Variants in FGFR2 observed in about 807,000 individuals in gnomAD.
FGFR2 encodes the protein BEK fibroblast growth factor receptor.
FGFR2 carries 19 observed loss-of-function variants against 95.9 expected under a neutral mutation model. The ratio of observed to expected loss-of-function variants is 0.20; its 90% CI spans 0.14 to 0.29. The LOEUF (loss-of-function observed/expected upper bound fraction) is 0.29, where lower values mean the gene tolerates loss of function less well. Ranked by LOEUF, FGFR2 falls within the 10% of genes least tolerant of loss-of-function variation. The probability of loss-of-function intolerance (pLI) is 1.00; values close to 1 mark genes in which losing one functional copy is unlikely to be tolerated. For synonymous variants in FGFR2, 392 were observed against 393.3 expected (o/e 1.00, Z 0.04); for missense variants, 707 against 1,056.9 (o/e 0.67, Z 4.59).
At chr10:121,582,165 C>A (rs1861036943) in intron 2 of FGFR2, among the ~76,000 whole-genome samples, 1 of 152,038 alleles carries the variant, frequency 6.6e-6, no homozygotes, top group South Asian at 2.1e-4. Context: ...CTCCTCACCT[C>A]ATGATCCGCC....
intron 5 of FGFR2, among the ~76,000 whole-genome samples, chr10:121,550,779 C>A (rs894171585): frequency 6.6e-6 from 1 of 152,094 alleles, no homozygotes; most frequent in Non-Finnish European, 1.5e-5. Context: ...ACAACACAAA[C>A]GGGAATTGTA....
chr10:121,530,495 C>T (rs1177674687), intron 6 of FGFR2: 3 of 152,514 alleles, frequency 2.0e-5, no homozygotes, highest in African/African-American at 4.8e-5. Context: ...TGATGATGTC[C>T]GCCTATAATC....
At chr10:121,549,625 G>GCT (rs146483238) in intron 5 of FGFR2, among the ~76,000 whole-genome samples, 2,250 of 151,414 alleles carry the variant, frequency 0.015, 57 homozygotes, top group African/African-American at 0.051. Context: ...CTGCGATCCT[G>GCT]CTCTCTCTCT....
rs41302261 is a variant in FGFR2 at position 121,576,143 on chromosome 10, C to T, written c.110-10439G>A. Among the ~76,000 whole-genome samples, 462 of 152,190 alleles carry T rather than the reference C, an allele frequency of 3.0e-3. 2 individuals are homozygous for T. The highest frequency in any genetic ancestry group is 0.011 in the African/African-American group (444 of 41,502). ...TGGAGGTTGCCGTGAGCCGAGATCA[C>T]GCCACTGCCCTCCAACCTGGGCAAC... On this transcript the variant is annotated intron_variant, in intron 2 of 17. Transcript: ENST00000358487.
In FGFR2 at chr10:121,518,599, G is replaced by T. The variant is rs2134277866; in HGVS notation, c.940-1136C>A. On this transcript the variant is annotated intron_variant, in intron 7 of 17. Coordinates refer to ENST00000358487, the MANE Select transcript of FGFR2 (RefSeq NM_000141.5). The surrounding 1 kb of genome is among the most constrained non-coding windows in gnomAD (Gnocchi z 4.0). ...ACAAGAGTTATCCTATAAGCTGCCT[G>T]CAGTCTCCCAAAGCACCAAGTCTTT... 6.6e-7 allele frequency: 1 copy of T among 1,508,994 alleles called. No homozygotes were observed. The highest frequency in any genetic ancestry group is 9.2e-7 in the Non-Finnish European group (1 of 1,091,576). 93.5% of individuals were successfully genotyped at this position (1,508,994 alleles called of 1,614,324 possible).
intron 9 of FGFR2, among the ~76,000 whole-genome samples, chr10:121,509,636 A>T (rs1848795550): frequency 6.6e-6 from 1 of 151,522 alleles, no homozygotes; most frequent in Non-Finnish European, 1.5e-5. Context: ...GGCATGTACC[A>T]CCACGCCCAG....
chr10:121,511,929 C>T (rs1235801816), intron 9 of FGFR2, among the ~76,000 whole-genome samples: 7 of 152,126 alleles, frequency 4.6e-5, no homozygotes, highest in African/African-American at 1.4e-4. Flanking sequence ...TTAATAAATG[C>T]CAAGAAGGAA....
At chr10:121,508,496 C>T (rs925796799) in intron 9 of FGFR2, among the ~76,000 whole-genome samples, 8 of 152,256 alleles carry the variant, frequency 5.3e-5, no homozygotes, top group African/African-American at 1.9e-4. Flanking sequence ...TCTGCATCCA[C>T]AAACCCCTGG....
At chr10:121,524,310 A>G (rs1589853784) in intron 6 of FGFR2, among the ~76,000 whole-genome samples, 2 of 152,212 alleles carry the variant, frequency 1.3e-5, no homozygotes, top group East Asian at 3.8e-4. Context: ...CTTCTGGTAG[A>G]AAAACTGCAA....
At chr10:121,576,060 G>T (rs561289206) in intron 2 of FGFR2, among the ~76,000 whole-genome samples, 2 of 151,648 alleles carry the variant, frequency 1.3e-5, no homozygotes, top group Non-Finnish European at 2.9e-5. Context: ...GGTGGCACAC[G>T]CCTGTAATCC....
chr10:121,542,855 T>C (rs1453687498), intron 5 of FGFR2, among the ~76,000 whole-genome samples: 1 of 152,188 alleles, frequency 6.6e-6, no homozygotes, highest in Admixed American at 6.5e-5. Context: ...CAACTGGGAA[T>C]GTAGATTTAG....
At chr10:121,572,645 A>G (rs1356065189) in intron 2 of FGFR2, among the ~76,000 whole-genome samples, 6 of 152,182 alleles carry the variant, frequency 3.9e-5, no homozygotes, top group African/African-American at 7.2e-5. Flanking sequence ...CAAATAAATA[A>G]ATAGTATGAA....
chr10:121,541,142 T>C (rs1853682544), intron 5 of FGFR2, among the ~76,000 whole-genome samples: 1 of 152,212 alleles, frequency 6.6e-6, no homozygotes, highest in African/African-American at 2.4e-5. Context: ...AAAATGTTTT[T>C]ACAATGAGAA....
At chr10:121,537,326 G>A (rs746177259) in intron 6 of FGFR2, among the ~76,000 whole-genome samples, 5 of 152,176 alleles carry the variant, frequency 3.3e-5, no homozygotes, top group Non-Finnish European at 5.9e-5. Flanking sequence ...TGCTTTCTAA[G>A]GCAGAGTGTC....
At position 121,500,104 on chromosome 10, in the gene FGFR2, G is replaced by C. The variant is rs372601023; in HGVS notation, c.1561+722C>G. ...ATCCCTACAAGAGGATTTATAATGT[G>C]ACAGTTCCCTATAACTCTTCTCATA... is the stretch of plus-strand genomic sequence containing the variant. On this transcript the variant is annotated intron_variant, in intron 11 of 17. Transcript: ENST00000358487. 6.6e-5 allele frequency among the ~76,000 whole-genome samples: 10 copies of C among 152,314 alleles called. 1 individual carries two copies. The highest frequency in any genetic ancestry group is 5.2e-4 in the Admixed American group (8 of 15,304).
intron 7 of FGFR2, 63 bp downstream of exon 7, chr10:121,519,916 C>G (rs1413640119): frequency 2.6e-6 from 4 of 1,521,820 alleles, no homozygotes; most frequent in Non-Finnish European, 3.6e-6. Context: ...ATCAAAGAAC[C>G]TGTGGCCAAA....
chr10:121,543,347 T>A (rs2134684042), intron 5 of FGFR2, among the ~76,000 whole-genome samples: 1 of 152,174 alleles, frequency 6.6e-6, no homozygotes, highest in East Asian at 1.9e-4. Context: ...CTGTCTCTAC[T>A]AAAAATATAA....
At chr10:121,538,512 G>T in intron 6 of FGFR2, 80 bp downstream of exon 6, 1 of 1,579,744 alleles carries the variant, frequency 6.3e-7, no homozygotes. Flanking sequence ...GGAGAAACAG[G>T]ACTTAACGTT....
At chr10:121,564,634 G>A (rs1857417961) in intron 3 of FGFR2, 55 bp from the exon 4 acceptor site, 17 of 1,523,444 alleles carry the variant, frequency 1.1e-5, no homozygotes, top group Admixed American at 1.7e-5. Context: ...CAAAAAGGTT[G>A]CAATTATCTA....
Sources: allele counts gnomAD v4.1 joint callset (sites outside exome capture counted in the v4.1 genomes callset), GRCh38; gene constraint gnomAD v4.1.1; non-coding constraint Gnocchi (gnomAD v3.1); transcripts MANE v1.5; gene names NCBI Gene and HGNC (gene_info 2026-07-23, HGNC 2026-07-21).